Variants in AUTS2 observed in about 807,000 individuals in gnomAD.
The protein encoded by AUTS2 is activator of transcription and developmental regulator AUTS2.
A neutral mutation model predicts 112.4 loss-of-function variants in AUTS2; 17 were observed. The ratio of observed to expected loss-of-function variants is 0.15; its 90% CI spans 0.10 to 0.23. The LOEUF (loss-of-function observed/expected upper bound fraction) is 0.23. Among genes scored for constraint, AUTS2 ranks in the 10% least tolerant of loss-of-function variants. AUTS2 has a pLI of 1.00. For synonymous variants in AUTS2, 751 were observed against 702.7 expected, an observed-to-expected ratio of 1.07 and a Z score of -1.09; for missense variants, 1,510 against 1,701.6, an observed-to-expected ratio of 0.89 and a Z score of 1.98.
intron 1 of AUTS2, among the ~76,000 whole-genome samples, chr7:69,821,258 G>A (rs1011495914): frequency 3.3e-5 from 5 of 152,190 alleles, no homozygotes; most frequent in Non-Finnish European, 4.4e-5. Flanking sequence ...TCATGCACCT[G>A]TAGTCCTGAG....
At chr7:70,388,138 T>A (rs770252320) in intron 4 of AUTS2, among the ~76,000 whole-genome samples, 8 of 152,178 alleles carry the variant, frequency 5.3e-5, no homozygotes, top group Non-Finnish European at 8.8e-5. Context: ...CCAACATGAT[T>A]CTATGTGTTG....
chr7:70,657,225 CT>C (rs148517976), intron 5 of AUTS2, among the ~76,000 whole-genome samples: 4,452 of 152,230 alleles, frequency 0.029, 135 homozygotes, highest in South Asian at 0.088. Flanking sequence ...AACCCGCCGT[CT>C]TAATGTCTGC....
chr7:70,031,350 G>A (rs1800769101), intron 2 of AUTS2, among the ~76,000 whole-genome samples: 1 of 152,160 alleles, frequency 6.6e-6, no homozygotes, highest in Non-Finnish European at 1.5e-5. Flanking sequence ...CTAAAGTGAA[G>A]TTCAGAATGG....
intron 5 of AUTS2, among the ~76,000 whole-genome samples, chr7:70,479,898 A>G (rs1797723380): frequency 6.6e-6 from 1 of 152,234 alleles, no homozygotes; most frequent in East Asian, 1.9e-4. Flanking sequence ...TGCAGGACAG[A>G]TAGACGATAA....
intron 4 of AUTS2, among the ~76,000 whole-genome samples, chr7:70,162,438 TC>T (rs1377069597): frequency 1.1e-5 from 1 of 87,062 alleles, no homozygotes; most frequent in Non-Finnish European, 1.9e-5. Context: ...AGAGCGAGAC[TC>T]CGTCTCAAAA....
chr7:69,625,073 G>T (rs937964388), intron 1 of AUTS2, among the ~76,000 whole-genome samples: 1 of 152,134 alleles, frequency 6.6e-6, no homozygotes, highest in Non-Finnish European at 1.5e-5. Flanking sequence ...TGCCGTTGGG[G>T]CAGTGCCCAA....
intron 5 of AUTS2, among the ~76,000 whole-genome samples, chr7:70,537,720 A>G (rs1800380128): frequency 6.6e-6 from 1 of 152,144 alleles, no homozygotes; most frequent in African/African-American, 2.4e-5. Flanking sequence ...GCGGTGGTCT[A>G]CTGAGAGCCA....
chr7:70,677,340 T>G (rs1340915917), intron 5 of AUTS2, among the ~76,000 whole-genome samples: 2 of 152,210 alleles, frequency 1.3e-5, no homozygotes, highest in Non-Finnish European at 2.9e-5. Context: ...TTTCTGACCG[T>G]GGCTAGGCTT....
chr7:70,540,766 C>T (rs1488348654), intron 5 of AUTS2, among the ~76,000 whole-genome samples: 1 of 152,164 alleles, frequency 6.6e-6, no homozygotes, highest in Non-Finnish European at 1.5e-5. Flanking sequence ...CCAGCACATC[C>T]CTTTGACCTT....
chr7:70,696,982 A>T (rs941128805), intron 5 of AUTS2, among the ~76,000 whole-genome samples: 5 of 152,208 alleles, frequency 3.3e-5, no homozygotes, highest in African/African-American at 1.2e-4. Context: ...TCATGAAAGG[A>T]TGGTAAAATA....
intron 8 of AUTS2, 124 bp downstream of exon 8, chr7:70,765,129 G>A (rs549088098): frequency 1.5e-6 from 2 of 1,318,200 alleles, no homozygotes; most frequent in East Asian, 2.5e-5. Flanking sequence ...TCCTTACTGT[G>A]ATCTTCCTCA....
intron 1 of AUTS2, among the ~76,000 whole-genome samples, chr7:69,868,166 A>G (rs1793320642): frequency 6.6e-6 from 1 of 152,192 alleles, no homozygotes; most frequent in Admixed American, 6.6e-5. Context: ...CAGTTTGTGC[A>G]TAAGATTTAT....
chr7:70,548,708 T>C (rs1376635021), intron 5 of AUTS2, among the ~76,000 whole-genome samples: 1 of 152,188 alleles, frequency 6.6e-6, no homozygotes, highest in Non-Finnish European at 1.5e-5. Flanking sequence ...TCATAGACAA[T>C]AAATACACAG....
chr7:70,403,739 T>C (rs545319576), intron 4 of AUTS2, among the ~76,000 whole-genome samples: 1 of 152,346 alleles, frequency 6.6e-6, no homozygotes, highest in East Asian at 1.9e-4. Context: ...TAAGGAAGGC[T>C]TGGCAGAATG....
At chr7:70,186,530 T>C (rs926834210) in intron 4 of AUTS2, among the ~76,000 whole-genome samples, 17 of 152,294 alleles carry the variant, frequency 1.1e-4, no homozygotes, top group African/African-American at 3.8e-4. Flanking sequence ...ATTATGGTAA[T>C]AGTGATACTA....
At chr7:70,238,922 C>G (rs1300722139) in intron 4 of AUTS2, among the ~76,000 whole-genome samples, 4 of 152,056 alleles carry the variant, frequency 2.6e-5, no homozygotes, top group Non-Finnish European at 5.9e-5. Context: ...GTCAGTTTAT[C>G]AATTAGTAGA....
At chr7:70,582,833 T>TA (rs1009402108) in intron 5 of AUTS2, among the ~76,000 whole-genome samples, 68 of 152,094 alleles carry the variant, frequency 4.5e-4, no homozygotes, top group Middle Eastern at 3.4e-3. Flanking sequence ...TTGCTGCCTT[T>TA]AAAAAAAATG....
chr7:70,406,070 T>C (rs748523127), intron 4 of AUTS2, among the ~76,000 whole-genome samples: 41 of 152,254 alleles, frequency 2.7e-4, no homozygotes, highest in Non-Finnish European at 4.7e-4. Flanking sequence ...TTTCACGGTC[T>C]CCCCTTCCTG....
intron 5 of AUTS2, among the ~76,000 whole-genome samples, chr7:70,535,036 A>T (rs1162451460): frequency 2.4e-5 from 1 of 41,344 alleles, no homozygotes; most frequent in Non-Finnish European, 5.0e-5. Flanking sequence ...CTATTTCATA[A>T]AAAAAAAAAA....
Sources: allele counts gnomAD v4.1 joint callset (sites outside exome capture counted in the v4.1 genomes callset), GRCh38; gene constraint gnomAD v4.1.1; transcripts MANE v1.5; gene names NCBI Gene and HGNC (gene_info 2026-07-23, HGNC 2026-07-21).